ATG16L2: variants seen among roughly 807,000 people sequenced by gnomAD.
ATG16L2 encodes the protein protein Atg16l2.
Under a neutral mutation model 84.7 loss-of-function variants are expected in ATG16L2, and 77 were observed. The ratio of observed to expected loss-of-function variants is 0.91; its 90% confidence interval spans 0.76 to 1.10. The LOEUF (loss-of-function observed/expected upper bound fraction) is 1.10. ATG16L2 is among the 50% of genes least tolerant of loss of function. The pLI is 0.00. For missense variants in ATG16L2, 782 were observed against 817.6 expected (o/e 0.96, Z 0.53); for synonymous variants, 361 against 342.8 (o/e 1.05, Z -0.59).
exon 6 of ATG16L2, chr11:72,842,976 G>T: frequency 1.1e-6 from 1 of 876,002 alleles, no homozygotes; most frequent in Non-Finnish European, 1.7e-6. Flanking sequence ...TTTACTCACT[G>T]ATGAATGATT....
At chr11:72,830,550 G>A (rs1860583860), downstream of ATG16L2, among the ~76,000 whole-genome samples, 3 of 152,226 alleles carry the variant, frequency 2.0e-5, no homozygotes, top group South Asian at 6.2e-4. Context: ...AACTCCTGCA[G>A]CCTTAAACCC....
chr11:72,828,476 C>A lies in ATG16L2; in HGVS notation c.1590C>A (p.Asp530Glu), dbSNP rs762421746. The stretch of plus-strand genomic sequence containing the variant: ...GAGACAACACACTCAAGGTCATCGA[C>A]CTGCGTGTCAGCAACATCCGCCAGG... ...CSRDNTLKVI[D>E]LRVSNIRQVF... is the part of the protein sequence containing the mutation. The change falls in exon 15 of 18, where the codon GAC becomes GAA. Residue 530 changes from aspartate (D) to glutamate (E), a missense_variant. Asp to Glu is a conservative substitution (Grantham distance 45). Coordinates refer to ENST00000321297, the MANE Select transcript of ATG16L2 (RefSeq NM_033388.2). The A allele has an allele frequency of 6.2e-7, 1 of 1,614,104 alleles. No individual in the cohort carries two copies. Among genetic ancestry groups the A allele is most frequent in the Non-Finnish European group, 8.5e-7 (1 of 1,180,056 alleles).
At chr11:72,828,207 A>G in intron 14 of ATG16L2, 152 bp from the exon 15 acceptor site, 1 of 752,086 alleles carries the variant, frequency 1.3e-6, no homozygotes, top group Non-Finnish European at 2.1e-6. Flanking sequence ...GAGAAGGGAG[A>G]TGAGTCACTC....
At chr11:72,823,230 A>G (rs1439957172) in intron 7 of ATG16L2, 2 of 410,208 alleles carry the variant, frequency 4.9e-6, no homozygotes, top group South Asian at 5.3e-5. Flanking sequence ...AGGCTTCTGA[A>G]TAGCTGTCAC....
intron 7 of ATG16L2, chr11:72,823,729 A>G: frequency 2.0e-6 from 1 of 488,234 alleles, no homozygotes; most frequent in African/African-American, 1.9e-5. Context: ...TCCCATCCCC[A>G]GCCTGGGGGA....
At position 72,829,587 on chromosome 11, in the gene ATG16L2, C is replaced by CTCTG; in HGVS notation, c.*200_*201insGTCT. ...CGCTAGTTTTTCTTTGTATTTTTAT[C>CTCTG]TCTATCTCCTCACTTTTTCTCCCAA... On this transcript the variant is annotated 3_prime_UTR_variant, in exon 18 of 18. Coordinates refer to ENST00000321297, the MANE Select transcript of ATG16L2 (RefSeq NM_033388.2). 7.3e-7 allele frequency: 1 copy of CTCTG among 1,363,426 alleles called. No individual in the cohort carries two copies. Among genetic ancestry groups the CTCTG allele is most frequent in the Non-Finnish European group, 9.5e-7 (1 of 1,058,198 alleles). The allele number at this position is 1,363,426 out of a possible 1,614,324, so 84.5% of individuals were successfully genotyped here.
chr11:72,842,533 G>A (rs1262290189), intron 5 of ATG16L2: 5 of 1,527,994 alleles, frequency 3.3e-6, no homozygotes, highest in Non-Finnish European at 4.5e-6. Flanking sequence ...GGCAGAGACT[G>A]CAGCCCACTT....
In ATG16L2 at chr11:72,842,792, C is replaced by T. The variant is rs748966822; in HGVS notation, c.*197C>T. 99 of 1,613,854 alleles carry T rather than the reference C, an allele frequency of 6.1e-5. 2 individuals carry two copies. In the South Asian group the frequency reaches 1.1e-3, roughly 17 times the overall value. Reference sequence around the variant, plus strand: ...TTATTGCTCCCTCAGGAAAAGATAACTCATCATCTGTCTGGCCCTCATAAT... The same window carrying T: ...TTATTGCTCCCTCAGGAAAAGATAATTCATCATCTGTCTGGCCCTCATAAT... On this transcript the variant is annotated 3_prime_UTR_variant, in exon 6 of 6. Transcript: ENST00000534905.
chr11:72,829,226 T>C, intron 17 of ATG16L2, 77 bp from the exon 18 acceptor site: 1 of 1,503,446 alleles, frequency 6.7e-7, no homozygotes. Flanking sequence ...ACTACCCAGG[T>C]CCAGCAGTCG....
intron 3 of ATG16L2, chr11:72,818,064 T>C: frequency 1.8e-6 from 1 of 571,292 alleles, no homozygotes; most frequent in South Asian, 2.0e-5. Flanking sequence ...CAACAGCAGC[T>C]GGAGGGAGTT....
At chr11:72,823,067 G>C (rs540222162) in intron 7 of ATG16L2, 106 bp downstream of exon 7, 4 of 768,280 alleles carry the variant, frequency 5.2e-6, no homozygotes, top group East Asian at 2.7e-5. Context: ...TTGGGAGGGG[G>C]CTTGAGGAGA....
chr11:72,824,299 C>G (rs1193808229), intron 8 of ATG16L2, 177 bp downstream of exon 8: 1 of 701,688 alleles, frequency 1.4e-6, no homozygotes, highest in African/African-American at 1.8e-5. Context: ...GGCCCCGGTT[C>G]AGCTGTCTTC....
At position 72,822,274 on chromosome 11, in the gene ATG16L2, T is replaced by G; in HGVS notation, c.623T>G (p.Leu208Arg). The change falls in exon 5 of 18, where the codon CTG becomes CGG. Residue 208 changes from leucine (L) to arginine (R), a missense_variant. Physicochemically the swap from Leu to Arg is moderately radical, Grantham distance 102. Coordinates refer to ENST00000321297, the MANE Select transcript of ATG16L2 (RefSeq NM_033388.2). This position sits in a 1 kb window ranked among gnomAD's most constrained non-coding sequence, Gnocchi z 4.2. The part of the protein sequence containing the change: ...RKARAAAERN[L>R]RNERRERAKQ... ...GCGCGCGCCGCGGCCGAGCGCAACCTGCGCAACGAGCGCCGGGAGCGGTGA... is the reference window on the plus strand; with the variant it reads ...GCGCGCGCCGCGGCCGAGCGCAACCGGCGCAACGAGCGCCGGGAGCGGTGA... The G allele has an allele frequency of 6.6e-7, 1 of 1,507,806 alleles. No homozygotes were observed. Among genetic ancestry groups the G allele is most frequent in the Non-Finnish European group, 8.8e-7 (1 of 1,137,650 alleles). 93.4% of individuals were successfully genotyped at this position (1,507,806 alleles called of 1,614,324 possible). A position where few individuals can be genotyped will look rare whatever the true frequency, so the allele number is the denominator to read the frequency against.
chr11:72,822,819 G>A lies in ATG16L2; in HGVS notation c.711-29G>A. ...CGGGAGGGGCTGGCTTGGTCCCTTG[G>A]CCTTTCTGAACTTCATTACCTCTCC... On this transcript the variant is annotated intron_variant, in intron 6 of 17. Coordinates refer to ENST00000321297, the MANE Select transcript of ATG16L2 (RefSeq NM_033388.2). This position sits in a 1 kb window ranked among gnomAD's most constrained non-coding sequence, Gnocchi z 4.2. 6.6e-7 allele frequency: 1 copy of A among 1,510,182 alleles called. No individual in the cohort carries two copies. The highest frequency in any genetic ancestry group is 8.9e-7 in the Non-Finnish European group (1 of 1,118,052). The allele number at this position is 1,510,182 out of a possible 1,614,324, so 93.5% of individuals were successfully genotyped here. A position where few individuals can be genotyped will look rare whatever the true frequency, so the allele number is the denominator to read the frequency against.
rs757549734 is a variant in ATG16L2, at chr11:72,822,450, G to T, written c.645-28G>T. On this transcript the variant is annotated intron_variant, in intron 5 of 17. Transcript: ENST00000321297. The surrounding 1 kb of genome is among the most constrained non-coding windows in gnomAD (Gnocchi z 4.2). ...GCCTGCGTGCGAGGCGCCGCGCCAG[G>T]GTCTCAGGATGCTTTTTACCCAACA... The T allele has an allele frequency of 1.2e-6, 2 of 1,612,538 alleles. No individual in the cohort carries two copies. The highest frequency in any genetic ancestry group is 1.7e-6 in the Non-Finnish European group (2 of 1,179,258).
chr11:72,823,040 T>G, intron 7 of ATG16L2, 79 bp downstream of exon 7: 1 of 1,013,752 alleles, frequency 9.9e-7, no homozygotes, highest in South Asian at 1.6e-5. Flanking sequence ...TCTTGGACCT[T>G]GGAGCCAGCT....
chr11:72,826,705 G>C lies in ATG16L2; in HGVS notation c.1248G>C (p.Glu416Asp), dbSNP rs753896391. The C allele has an allele frequency of 6.2e-7, 1 of 1,614,144 alleles. No individual in the cohort carries two copies. The highest frequency in any genetic ancestry group is 8.5e-7 in the Non-Finnish European group (1 of 1,180,016). Residue 416 changes from glutamate to aspartate, a missense_variant and splice_region_variant, in exon 13 of 18, where the codon GAG becomes GAC. Glu to Asp is a conservative substitution (Grantham distance 45). Coordinates refer to ENST00000321297, the MANE Select transcript of ATG16L2 (RefSeq NM_033388.2). ...CCGTACCTGGGGCCGGGGTACAGGA[G>C]ACACTGTCTGGACACAAGGATAAGG... The part of the protein sequence containing the change: ...LWKVGEAQSK[E>D]TLSGHKDKVT...
At chr11:72,835,048 C>G (rs1286471995) in intron 5 of ATG16L2, among the ~76,000 whole-genome samples, 1 of 152,180 alleles carries the variant, frequency 6.6e-6, no homozygotes, top group Non-Finnish European at 1.5e-5. Flanking sequence ...AGGTGGTGTA[C>G]TGAGAACCTG....
intron 14 of ATG16L2, among the ~76,000 whole-genome samples, chr11:72,828,155 G>T (rs1346033205): frequency 1.1e-5 from 1 of 92,878 alleles, no homozygotes; most frequent in Non-Finnish European, 2.6e-5. Flanking sequence ...TCAAATCAAA[G>T]TCTGTCTAAG....
Sources: gnomAD v4.1 joint callset for allele counts (sites outside exome capture counted in the v4.1 genomes callset) on GRCh38, gnomAD v4.1.1 for gene constraint, Gnocchi (gnomAD v3.1) non-coding constraint, MANE v1.5 for transcripts, NCBI Gene and HGNC (gene_info 2026-07-23, HGNC 2026-07-21) for gene names.